ARID1B: variants seen among roughly 807,000 people sequenced by gnomAD.
The protein encoded by ARID1B is AT-rich interaction domain 1B.
A neutral mutation model predicts 212.3 loss-of-function variants in ARID1B; 30 were observed. The ratio of observed to expected loss-of-function variants is 0.14; its 90% CI spans 0.11 to 0.19. ARID1B has a LOEUF of 0.19. ARID1B is among the 10% of genes least tolerant of loss of function. The pLI is 1.00. For synonymous variants in ARID1B, 1,402 were observed against 1,301.7 expected, an observed-to-expected ratio of 1.08 and a Z score of -1.66; for missense variants, 2,891 against 3,204.0, an observed-to-expected ratio of 0.90 and a Z score of 2.36.
intron 4 of ARID1B, among the ~76,000 whole-genome samples, chr6:156,983,316 A>G (rs1438281085): frequency 6.7e-6 from 1 of 150,226 alleles, no homozygotes; most frequent in African/African-American, 2.5e-5. Context: ...AATCGCTTGA[A>G]CCCAGGCGGC....
intron 4 of ARID1B, among the ~76,000 whole-genome samples, chr6:157,070,680 TTA>T (rs748026491): frequency 6.6e-6 from 1 of 152,192 alleles, no homozygotes; most frequent in Non-Finnish European, 1.5e-5. Flanking sequence ...CTCCTGGCCT[TTA>T]TGTGTTTATT....
intron 17 of ARID1B, among the ~76,000 whole-genome samples, chr6:157,199,441 C>T (rs1396661361): frequency 6.6e-6 from 1 of 152,074 alleles, no homozygotes; most frequent in Non-Finnish European, 1.5e-5. Flanking sequence ...TACGCAGGAT[C>T]TCCCCCTTAC....
At chr6:156,920,183 C>T (rs1290025077) in intron 3 of ARID1B, among the ~76,000 whole-genome samples, 2 of 152,260 alleles carry the variant, frequency 1.3e-5, no homozygotes, top group African/African-American at 4.8e-5. Flanking sequence ...TCACCTCCCT[C>T]CCCTTCAGCT....
At chr6:157,043,347 G>A (rs1290094055) in intron 4 of ARID1B, among the ~76,000 whole-genome samples, 3 of 151,936 alleles carry the variant, frequency 2.0e-5, no homozygotes, top group Admixed American at 6.6e-5. Flanking sequence ...GATTTGTCTC[G>A]GCATGGGCGC....
chr6:156,901,568 C>T (rs1357305580), intron 3 of ARID1B, 43 bp downstream of exon 3: 3 of 1,578,712 alleles, frequency 1.9e-6, no homozygotes, highest in East Asian at 2.3e-5. Flanking sequence ...TTTTCTCCAC[C>T]AAGGCAGACC....
chr6:157,153,782 C>T (rs189665975), intron 8 of ARID1B, among the ~76,000 whole-genome samples: 1 of 152,126 alleles, frequency 6.6e-6, no homozygotes. Context: ...ACTACAGGCA[C>T]GTGCCACCAT....
chr6:157,037,705 T>C (rs905894191), intron 4 of ARID1B, among the ~76,000 whole-genome samples: 1 of 152,214 alleles, frequency 6.6e-6, no homozygotes, highest in Admixed American at 6.5e-5. Flanking sequence ...ATTTGCAATT[T>C]AGACAGATGA....
intron 4 of ARID1B, among the ~76,000 whole-genome samples, chr6:157,026,387 A>G (rs1347119220): frequency 6.6e-6 from 1 of 152,298 alleles, no homozygotes; most frequent in Non-Finnish European, 1.5e-5. Context: ...TCATATATCA[A>G]TCGTATTTTA....
Position 157,208,832 on chromosome 6 carries a change from G to A in ARID1B, c.*941G>A, listed in dbSNP as rs1583520935. The A allele has an allele frequency of 9.3e-6, 2 of 215,820 alleles. No individual in the cohort carries two copies. Among genetic ancestry groups the A allele is most frequent in the African/African-American group, 4.7e-5 (2 of 42,308 alleles). 13.4% of individuals were successfully genotyped at this position (215,820 alleles called of 1,614,324 possible). A position where few individuals can be genotyped will look rare whatever the true frequency, so the allele number is the denominator to read the frequency against. Reference sequence around the variant, plus strand: ...TTTATTTTATATATTTTTTCATTAGGGCCATATCTCCAAAAAAAGAAAGAA... The same window carrying A: ...TTTATTTTATATATTTTTTCATTAGAGCCATATCTCCAAAAAAAGAAAGAA... On this transcript the variant is annotated 3_prime_UTR_variant, in exon 20 of 20. Transcript: ENST00000636930.
chr6:156,826,227 A>G (rs1296443081), intron 1 of ARID1B, among the ~76,000 whole-genome samples: 1 of 152,190 alleles, frequency 6.6e-6, no homozygotes, highest in Non-Finnish European at 1.5e-5. Context: ...ACAGAGCTTC[A>G]TTCAGGTGAG....
chr6:156,985,825 A>G (rs1243431479), intron 4 of ARID1B, among the ~76,000 whole-genome samples: 2 of 152,212 alleles, frequency 1.3e-5, no homozygotes, highest in Non-Finnish European at 2.9e-5. Flanking sequence ...CATCCTGTCC[A>G]AGTCACTCTC....
intron 4 of ARID1B, among the ~76,000 whole-genome samples, chr6:157,055,786 C>A (rs1231937301): frequency 6.6e-6 from 1 of 152,152 alleles, no homozygotes; most frequent in African/African-American, 2.4e-5. Context: ...GTGGTCTCAT[C>A]TGAGGTTTAG....
intron 1 of ARID1B, among the ~76,000 whole-genome samples, chr6:156,795,752 C>T (rs1282990274): frequency 3.3e-5 from 5 of 152,152 alleles, no homozygotes; most frequent in Non-Finnish European, 7.3e-5. Context: ...ACCCTCTGCG[C>T]CCTTCCTTCT....
intron 2 of ARID1B, among the ~76,000 whole-genome samples, chr6:156,852,580 A>G (rs1784651997): frequency 6.6e-6 from 1 of 152,068 alleles, no homozygotes; most frequent in Admixed American, 6.6e-5. Context: ...CTGAGCCCCC[A>G]ATTTTACCAT....
chr6:157,101,968 A>G (rs1284714413), intron 5 of ARID1B, among the ~76,000 whole-genome samples: 2 of 152,220 alleles, frequency 1.3e-5, no homozygotes, highest in Non-Finnish European at 2.9e-5. Flanking sequence ...TAATTTTTCT[A>G]TGGCCACTAC....
At chr6:157,193,733 C>T (rs1464293741) in intron 15 of ARID1B, 3 of 152,158 alleles carry the variant, frequency 2.0e-5, no homozygotes, top group East Asian at 1.9e-4. Context: ...GGACAGGTCC[C>T]GGGAGCAAGC....
rs908932691 is a variant in ARID1B at position 157,094,969 on chromosome 6, A to G, written c.2491+10064A>G. ...GAGAGTTTGGTTTTAAACATACTGT[A>G]TTTGAGGTTCCTACTGGGCATCCTA... On this transcript the variant is annotated intron_variant, in intron 5 of 19. Coordinates refer to ENST00000636930, the MANE Select transcript of ARID1B (RefSeq NM_001374828.1). The surrounding 1 kb of genome is among the most constrained non-coding windows in gnomAD (Gnocchi z 4.3). Among the ~76,000 whole-genome samples, 1 of 152,164 alleles carries G rather than the reference A, an allele frequency of 6.6e-6. No individual in the cohort carries two copies. The highest frequency in any genetic ancestry group is 2.4e-5 in the African/African-American group (1 of 41,440).
At chr6:156,953,994 C>CT (rs1013205072) in intron 4 of ARID1B, among the ~76,000 whole-genome samples, 4 of 151,794 alleles carry the variant, frequency 2.6e-5, no homozygotes, top group Admixed American at 6.6e-5. Flanking sequence ...AAATGGGCAG[C>CT]TTTTTTTTCT....
chr6:157,041,684 A>C (rs1448554772), intron 4 of ARID1B, among the ~76,000 whole-genome samples: 2 of 152,164 alleles, frequency 1.3e-5, no homozygotes, highest in African/African-American at 4.8e-5. Flanking sequence ...GAACTTGCTC[A>C]AGTTCACGCA....
Sources: allele counts gnomAD v4.1 joint callset (sites outside exome capture counted in the v4.1 genomes callset), GRCh38; gene constraint gnomAD v4.1.1; non-coding constraint Gnocchi (gnomAD v3.1); transcripts MANE v1.5; gene names NCBI Gene and HGNC (gene_info 2026-07-23, HGNC 2026-07-21).